The following EYS variants were observed in gnomAD, a reference collection of about 807,000 sequenced individuals.
The protein encoded by EYS is EGF-like photoreceptor maintenance factor.
In EYS, 250 loss-of-function variants were observed where a neutral mutation model predicts 282.1. The observed-to-expected ratio is 0.89, with a 90% confidence interval of 0.80 to 0.98. The LOEUF is 0.98. EYS is among the 50% of genes least tolerant of loss of function. EYS has a pLI of 0.00. For missense variants in EYS, 4,016 were observed against 3,709.0 expected, an observed-to-expected ratio of 1.08 and a Z score of -2.15; for synonymous variants, 1,355 against 1,282.9, an observed-to-expected ratio of 1.06 and a Z score of -1.20.
chr6:64,924,290 G>A (rs1389489051), intron 15 of EYS, among the ~76,000 whole-genome samples: 1 of 152,162 alleles, frequency 6.6e-6, no homozygotes, highest in East Asian at 1.9e-4. Context: ...GCTATGGATG[G>A]AGCATCTGGG....
chr6:65,249,892 A>C (rs1767277665), intron 12 of EYS, among the ~76,000 whole-genome samples: 1 of 152,024 alleles, frequency 6.6e-6, no homozygotes, highest in Non-Finnish European at 1.5e-5. Context: ...AAGGTTAATA[A>C]CTGGAAGCAT....
intron 26 of EYS, among the ~76,000 whole-genome samples, chr6:64,487,709 CAT>C (rs749239562): frequency 1.3e-4 from 19 of 150,908 alleles, no homozygotes; most frequent in South Asian, 2.1e-4. Flanking sequence ...TGAGTATTTA[CAT>C]ATGTTATTTT....
At chr6:63,963,340 T>C (rs186976450) in intron 35 of EYS, among the ~76,000 whole-genome samples, 132 of 152,222 alleles carry the variant, frequency 8.7e-4, no homozygotes, top group African/African-American at 3.1e-3. Flanking sequence ...TATGAACTCT[T>C]TAACTTTATA....
chr6:63,813,709 A>G (rs1189573146), intron 36 of EYS, among the ~76,000 whole-genome samples: 1 of 152,154 alleles, frequency 6.6e-6, no homozygotes, highest in Non-Finnish European at 1.5e-5. Flanking sequence ...GTATAACCTC[A>G]GCAGAGTGGA....
rs60622925 is a variant in EYS, at chr6:65,533,112, G to A, written c.-332-37119C>T. ...AAGCTCTATTTGTGTGTAATTTATT[G>A]CCATATTAAATAGAAAATAAGTATT... On this transcript the variant is annotated intron_variant, in intron 2 of 42. Transcript: ENST00000503581. Among the ~76,000 whole-genome samples, 738 of 151,940 alleles carry A rather than the reference G, an allele frequency of 4.9e-3. 2 individuals are homozygous for A. The highest frequency in any genetic ancestry group is 0.016 in the African/African-American group (669 of 41,436).
chr6:64,839,268 T>G (rs1051803623), intron 19 of EYS, among the ~76,000 whole-genome samples: 3 of 152,012 alleles, frequency 2.0e-5, no homozygotes, highest in Non-Finnish European at 4.4e-5. Context: ...TCATTAGTCA[T>G]TAGATAATTA....
At chr6:63,950,743 A>T (rs1403304485) in intron 35 of EYS, among the ~76,000 whole-genome samples, 1 of 152,088 alleles carries the variant, frequency 6.6e-6, no homozygotes, top group African/African-American at 2.4e-5. Flanking sequence ...TAATCAGGTA[A>T]GTGATCTCTT....
At chr6:65,428,631 C>T (rs971983243) in intron 5 of EYS, among the ~76,000 whole-genome samples, 1 of 152,072 alleles carries the variant, frequency 6.6e-6, no homozygotes, top group Non-Finnish European at 1.5e-5. Context: ...GGACTGACCA[C>T]TTCGACGCAT....
At chr6:64,663,489 A>G (rs935366453) in intron 22 of EYS, among the ~76,000 whole-genome samples, 1 of 152,198 alleles carries the variant, frequency 6.6e-6, no homozygotes, top group Non-Finnish European at 1.5e-5. Context: ...TTTCTTGCTT[A>G]TAAGACAAAG....
intron 12 of EYS, among the ~76,000 whole-genome samples, chr6:65,094,985 A>T (rs1230815054): frequency 6.6e-6 from 1 of 151,144 alleles, no homozygotes; most frequent in Non-Finnish European, 1.5e-5. Flanking sequence ...AGACTACTCA[A>T]AATAAAAAAA....
chr6:64,130,135 T>C (rs951649488), intron 31 of EYS, among the ~76,000 whole-genome samples: 31 of 152,218 alleles, frequency 2.0e-4, no homozygotes, highest in Admixed American at 1.8e-3. Flanking sequence ...ACTGGGTATA[T>C]ACCCAAAGGA....
chr6:65,205,703 A>G (rs1178421645), intron 12 of EYS, among the ~76,000 whole-genome samples: 2 of 151,916 alleles, frequency 1.3e-5, no homozygotes, highest in Non-Finnish European at 2.9e-5. Flanking sequence ...CTCAGATTAG[A>G]GCAGAATAAA....
intron 2 of EYS, among the ~76,000 whole-genome samples, chr6:65,539,938 T>G (rs1768102258): frequency 6.6e-6 from 1 of 152,228 alleles, no homozygotes; most frequent in African/African-American, 2.4e-5. Context: ...AAGCTCATAA[T>G]GCTTTGCTGC....
chr6:64,157,692 G>A (rs1774976028), intron 31 of EYS, among the ~76,000 whole-genome samples: 1 of 152,204 alleles, frequency 6.6e-6, no homozygotes, highest in South Asian at 2.1e-4. Flanking sequence ...CCCAAGGCTT[G>A]GAGAGGTGTT....
At chr6:63,922,395 T>A (rs1297457552) in intron 35 of EYS, among the ~76,000 whole-genome samples, 2 of 152,114 alleles carry the variant, frequency 1.3e-5, no homozygotes, top group Non-Finnish European at 2.9e-5. Flanking sequence ...AAACCCTGTC[T>A]CTACTAAAAA....
At chr6:65,458,416 T>C (rs758970513) in intron 5 of EYS, among the ~76,000 whole-genome samples, 2 of 152,076 alleles carry the variant, frequency 1.3e-5, no homozygotes, top group Non-Finnish European at 2.9e-5. Context: ...CTTATACTTG[T>C]TCCCAGCCTA....
intron 31 of EYS, among the ~76,000 whole-genome samples, chr6:64,151,369 T>TTTTTC (rs1554212643): frequency 1.7e-5 from 2 of 117,546 alleles, no homozygotes; most frequent in African/African-American, 7.6e-5. Flanking sequence ...ATATAATTTT[T>TTTTTC]TTTTTCTTTT....
At chr6:64,688,702 T>C (rs1368239137) in intron 22 of EYS, among the ~76,000 whole-genome samples, 1 of 152,182 alleles carries the variant, frequency 6.6e-6, no homozygotes, top group Non-Finnish European at 1.5e-5. Flanking sequence ...AATATTCTGT[T>C]GATTTGGGGT....
chr6:64,766,129 T>C (rs546225840), intron 22 of EYS, among the ~76,000 whole-genome samples: 1 of 151,296 alleles, frequency 6.6e-6, no homozygotes, highest in East Asian at 2.1e-4. Flanking sequence ...GGTTTCACCA[T>C]ATTGGCCAGG....
Sources: gnomAD v4.1 joint callset for allele counts (sites outside exome capture counted in the v4.1 genomes callset) on GRCh38, gnomAD v4.1.1 for gene constraint, MANE v1.5 for transcripts, NCBI Gene and HGNC (gene_info 2026-07-23, HGNC 2026-07-21) for gene names.